The following MTAP variants were observed in gnomAD, a reference collection of about 807,000 sequenced individuals.
MTAP encodes methylthioadenosine phosphorylase.
A neutral mutation model predicts 33.6 loss-of-function variants in MTAP; 33 were observed. The ratio of observed to expected loss-of-function variants is 0.98; its 90% CI spans 0.74 to 1.31. The LOEUF (loss-of-function observed/expected upper bound fraction) is 1.31. Among genes scored for constraint, MTAP ranks in the 40% most tolerant of loss-of-function variants. The pLI, the probability that MTAP is intolerant of heterozygous loss-of-function variation, is 0.00. For missense variants in MTAP, 367 were observed against 360.0 expected (o/e 1.02, Z -0.16); for synonymous variants, 148 against 125.7 (o/e 1.18, Z -1.19).
At chr9:21,885,636 C>T (rs10965174) in intron 1 of MTAP, among the ~76,000 whole-genome samples, 31,162 of 151,992 alleles carry the variant, frequency 0.21, 3,656 homozygotes, top group East Asian at 0.35. Flanking sequence ...TTTGCATCCT[C>T]GTGGCTTAGC....
chr9:21,872,470 A>C (rs1825951630), intron 1 of MTAP, among the ~76,000 whole-genome samples: 1 of 152,144 alleles, frequency 6.6e-6, no homozygotes, highest in African/African-American at 2.4e-5. Flanking sequence ...TTATATCCCA[A>C]ACTTCATTTT....
chr9:21,813,155 G>C (rs1824393121), intron 1 of MTAP, among the ~76,000 whole-genome samples: 1 of 152,220 alleles, frequency 6.6e-6, no homozygotes, highest in African/African-American at 2.4e-5. Flanking sequence ...CTTTGCTGTG[G>C]AGCCAGCAGG....
In MTAP at chr9:21,885,779, GGTGTGTGTGTGTGTGT is replaced by G. The variant is rs34691018; in HGVS notation, c.147+30936_147+30951del. On this transcript the variant is annotated intron_variant, in intron 1 of 1. Coordinates refer to the MTAP transcript ENST00000577563. ...TTTTTATAGCTGGGTAGTATTACAT[GGTGTGTGTGTGTGTGT>G]GTGTGTGTGTGTGTGTGTGTGTGTG... Among the ~76,000 whole-genome samples the G allele has an allele frequency of 1.9e-3, 271 of 144,444 alleles. 2 individuals carry two copies. The highest frequency in any genetic ancestry group is 7.4e-3 in the Admixed American group (105 of 14,190). 94.8% of individuals were successfully genotyped at this position (144,444 alleles called of 152,430 possible).
chr9:21,920,649 A>G (rs897002179), intron 1 of MTAP, among the ~76,000 whole-genome samples: 4 of 152,224 alleles, frequency 2.6e-5, no homozygotes, highest in Non-Finnish European at 5.9e-5. Flanking sequence ...TGCATGATCC[A>G]GGCTTTCTGA....
At chr9:21,931,311 CG>C (rs900800214), downstream of MTAP, 8 of 568,934 alleles carry the variant, frequency 1.4e-5, no homozygotes, top group Admixed American at 3.0e-5. Flanking sequence ...TGGATTTTTG[CG>C]GGGGAAAATG....
intron 1 of MTAP, among the ~76,000 whole-genome samples, chr9:21,898,473 A>C (rs1818335055): frequency 6.6e-6 from 1 of 152,350 alleles, no homozygotes; most frequent in Middle Eastern, 3.4e-3. Context: ...AAATTTTTAC[A>C]ATCTACCCAT....
At chr9:21,857,314 A>G (rs1459526649) in intron 6 of MTAP, among the ~76,000 whole-genome samples, 1 of 152,208 alleles carries the variant, frequency 6.6e-6, no homozygotes, top group African/African-American at 2.4e-5. Flanking sequence ...CTTAAAACAT[A>G]TCATTTACAT....
At position 21,863,290 on chromosome 9, in the gene MTAP, T is replaced by C. The variant is rs1352396353; in HGVS notation, c.*1276T>C. On this transcript the variant is annotated 3_prime_UTR_variant, in exon 8 of 8. Transcript: ENST00000644715. ...AAGTGGAAGCTTGCTTTTTTAACTC[T>C]TTTTTTATTGTTATTTTATAGAAAT... 1 of 983,626 alleles carries C rather than the reference T, an allele frequency of 1.0e-6. No individual in the cohort carries two copies. Among genetic ancestry groups the C allele is most frequent in the Non-Finnish European group, 1.2e-6 (1 of 828,292 alleles). The allele number at this position is 983,626 out of a possible 1,614,324, so 60.9% of individuals were successfully genotyped here.
chr9:21,852,859 A>G (rs1825550488), intron 5 of MTAP, among the ~76,000 whole-genome samples: 1 of 152,196 alleles, frequency 6.6e-6, no homozygotes, highest in African/African-American at 2.4e-5. Context: ...AAGTCCTGAC[A>G]TTAAATCTGT....
In MTAP at chr9:21,862,579, A is replaced by T. The variant is rs1825775652; in HGVS notation, c.*565A>T. On this transcript the variant is annotated 3_prime_UTR_variant, in exon 8 of 8. Transcript: ENST00000644715. ...GTTTAATAATGATAGTTATAATAATAAATAATTGAAACAATCTGAATCCCT... is the reference window on the plus strand; with the variant it reads ...GTTTAATAATGATAGTTATAATAATTAATAATTGAAACAATCTGAATCCCT... 6.6e-6 allele frequency: 1 copy of T among 152,242 alleles called. No homozygotes were observed. Among genetic ancestry groups the T allele is most frequent in the Non-Finnish European group, 1.5e-5 (1 of 68,060 alleles). The allele number at this position is 152,242 out of a possible 1,614,324, so 9.4% of individuals were successfully genotyped here. A position where few individuals can be genotyped will look rare whatever the true frequency, so the allele number is the denominator to read the frequency against.
chr9:21,876,541 TTGTATATGG>T (rs1587268910), intron 1 of MTAP, among the ~76,000 whole-genome samples: 1 of 152,184 alleles, frequency 6.6e-6, no homozygotes, highest in African/African-American at 2.4e-5. Flanking sequence ...GAGTTGATTT[TTGTATATGG>T]TATAAGAAAG....
chr9:21,830,689 A>C (rs1824944402), intron 4 of MTAP, among the ~76,000 whole-genome samples: 1 of 152,214 alleles, frequency 6.6e-6, no homozygotes, highest in Non-Finnish European at 1.5e-5. Flanking sequence ...GTATGTATGC[A>C]CACCTGGCTC....
intron 1 of MTAP, 87 bp downstream of exon 1, chr9:21,802,868 T>A: frequency 6.4e-7 from 1 of 1,561,006 alleles, no homozygotes; most frequent in South Asian, 1.2e-5. Flanking sequence ...CCGGGGGCCA[T>A]GCGCCCGGCC....
chr9:21,878,891 A>T (rs146261165), intron 1 of MTAP, among the ~76,000 whole-genome samples: 1 of 152,112 alleles, frequency 6.6e-6, no homozygotes, highest in Non-Finnish European at 1.5e-5. Context: ...ATCTTGACTT[A>T]TATTTTTATT....
rs1223081348 is a variant in MTAP, at chr9:21,829,934, T to C, written c.348-7974T>C. ...ATTCTTATCTGAAAATCTTTTTTTT[T>C]CTTCTCTCTCTCATGCTACATTACA... is the stretch of plus-strand genomic sequence containing the variant. On this transcript the variant is annotated intron_variant, in intron 4 of 7. Transcript: ENST00000644715. Among the ~76,000 whole-genome samples the C allele has an allele frequency of 5.3e-5, 8 of 152,296 alleles. No individual in the cohort carries two copies. In the South Asian group the frequency reaches 1.4e-3, roughly 28 times the overall value.
chr9:21,803,003 C>CACACACACAG (rs1824099036), intron 1 of MTAP: 1 of 975,406 alleles, frequency 1.0e-6, no homozygotes, highest in Non-Finnish European at 1.4e-6. Flanking sequence ...CACACACACA[C>CACACACACAG]ACACACACAC....
At chr9:21,900,266 T>C (rs1818368989) in intron 1 of MTAP, among the ~76,000 whole-genome samples, 2 of 152,110 alleles carry the variant, frequency 1.3e-5, no homozygotes, top group Non-Finnish European at 2.9e-5. Flanking sequence ...GGAGAAAATA[T>C]TTGTAAGCTA....
chr9:21,877,326 C>T (rs138548065), intron 1 of MTAP, among the ~76,000 whole-genome samples: 2,213 of 152,172 alleles, frequency 0.015, 55 homozygotes, highest in African/African-American at 0.049. Context: ...GACTTCCTCT[C>T]TTCCTATTTA....
chr9:21,939,615 G>C (rs1819101783), downstream of MTAP, among the ~76,000 whole-genome samples: 1 of 152,158 alleles, frequency 6.6e-6, no homozygotes, highest in Non-Finnish European at 1.5e-5. Context: ...TGTAATCCCA[G>C]CACTTTGGGA....
Sources: gnomAD v4.1 joint callset for allele counts (sites outside exome capture counted in the v4.1 genomes callset) on GRCh38, gnomAD v4.1.1 for gene constraint, MANE v1.5 for transcripts, NCBI Gene and HGNC (gene_info 2026-07-23, HGNC 2026-07-21) for gene names.